The following ZMYND8 variants were observed in gnomAD, a reference collection of about 807,000 sequenced individuals.
The protein encoded by ZMYND8 is zinc finger MYND-type containing 8.
Under a neutral mutation model 140.8 loss-of-function variants are expected in ZMYND8, and 37 were observed. The observed-to-expected ratio is 0.26, with a 90% confidence interval of 0.20 to 0.35. The LOEUF is 0.35. Ranked by LOEUF, ZMYND8 falls within the 10% of genes least tolerant of loss-of-function variation. The pLI, the probability that ZMYND8 is intolerant of heterozygous loss-of-function variation, is 1.00. For synonymous variants in ZMYND8, 592 were observed against 597.1 expected (o/e 0.99, Z 0.12); for missense variants, 1,068 against 1,570.0 (o/e 0.68, Z 5.40).
intron 2 of ZMYND8, among the ~76,000 whole-genome samples, chr20:47,330,361 C>CTTTT (rs111831182): frequency 2.0e-4 from 24 of 118,866 alleles, no homozygotes; most frequent in South Asian, 1.7e-3. Flanking sequence ...GGGTTTTTTG[C>CTTTT]TTTTTTTTTT....
At position 47,294,654 on chromosome 20, in the gene ZMYND8, C is replaced by T. The variant is rs1293805723; in HGVS notation, c.567+12G>A. ...TCATTTACGCGTATACCAAGAGGAA[C>T]TTTCTTCTTACCCCTGGCTGTTTCA... On this transcript the variant is annotated intron_variant, in intron 5 of 22. Transcript: ENST00000471951. 6.2e-7 allele frequency: 1 copy of T among 1,611,724 alleles called. No individual in the cohort carries two copies. The highest frequency in any genetic ancestry group is 2.2e-5 in the East Asian group (1 of 44,854).
In ZMYND8 at chr20:47,219,055, A is replaced by ATTTTT. The variant is rs3092175; in HGVS notation, c.3484+1198_3484+1202dup. ...AACATGGCAAAACCCCGTTTCTACA[A>ATTTTT]TTTTTTTTTTTTTTTTTTTTGAGAG... On this transcript the variant is annotated intron_variant, in intron 21 of 22. Coordinates refer to ENST00000471951, the MANE Select transcript of ZMYND8 (RefSeq NM_001281775.3). Among the ~76,000 whole-genome samples, 170 of 110,914 alleles carry ATTTTT rather than the reference A, an allele frequency of 1.5e-3. 7 individuals carry two copies. The highest frequency in any genetic ancestry group is 2.9e-3 in the African/African-American group (86 of 29,896). The allele number at this position is 110,914 out of a possible 152,430, so 72.8% of individuals were successfully genotyped here.
intron 21 of ZMYND8, among the ~76,000 whole-genome samples, chr20:47,215,368 A>G (rs1360903705): frequency 6.6e-6 from 1 of 152,054 alleles, no homozygotes; most frequent in Non-Finnish European, 1.5e-5. Context: ...GCAAGACTCC[A>G]TCTCAAATAC....
At chr20:47,217,852 G>T (rs2036345846) in intron 21 of ZMYND8, among the ~76,000 whole-genome samples, 1 of 151,832 alleles carries the variant, frequency 6.6e-6, no homozygotes, top group South Asian at 2.1e-4. Flanking sequence ...CAGAAAAACT[G>T]CCCCTTCCTC....
chr20:47,229,690 T>C (rs758926824), intron 17 of ZMYND8, 36 bp downstream of exon 17: 3 of 1,598,972 alleles, frequency 1.9e-6, no homozygotes, highest in Non-Finnish European at 1.7e-6. Context: ...CACAAAACAC[T>C]CTTAGCAAAT....
At chr20:47,261,799 T>G (rs774118391) in intron 12 of ZMYND8, among the ~76,000 whole-genome samples, 1 of 152,092 alleles carries the variant, frequency 6.6e-6, no homozygotes, top group Non-Finnish European at 1.5e-5. Flanking sequence ...GGGCCAGGCA[T>G]GGTGGTTTAT....
intron 6 of ZMYND8, among the ~76,000 whole-genome samples, chr20:47,290,898 G>GT (rs2077225296): frequency 6.6e-6 from 1 of 151,892 alleles, no homozygotes; most frequent in Admixed American, 6.6e-5. Flanking sequence ...GCCAAACAGG[G>GT]TATTTCATAT....
chr20:47,287,611 AT>A (rs1260987001), intron 7 of ZMYND8, among the ~76,000 whole-genome samples: 2 of 152,180 alleles, frequency 1.3e-5, no homozygotes, highest in Non-Finnish European at 2.9e-5. Context: ...TATTCTACCC[AT>A]TGTCCCAGAC....
At chr20:47,286,177 A>AT (rs35537741) in intron 8 of ZMYND8, among the ~76,000 whole-genome samples, 35,975 of 146,352 alleles carry the variant, frequency 0.25, 4,502 homozygotes, top group South Asian at 0.34. Flanking sequence ...ATAAGGATAG[A>AT]TTTTTTTTTT....
chr20:47,227,628 AC>A (rs2037882205), intron 17 of ZMYND8, among the ~76,000 whole-genome samples: 1 of 148,990 alleles, frequency 6.7e-6, no homozygotes, highest in Non-Finnish European at 1.5e-5. Context: ...TTTCACTCTT[AC>A]ATAACATTTA....
At chr20:47,278,174 G>A (rs538178623) in intron 10 of ZMYND8, among the ~76,000 whole-genome samples, 1 of 152,042 alleles carries the variant, frequency 6.6e-6, no homozygotes, top group South Asian at 2.1e-4. Context: ...GTAGAGATGG[G>A]GTCTCGCTAC....
chr20:47,336,695 C>T (rs1466909169), intron 2 of ZMYND8, among the ~76,000 whole-genome samples: 1 of 152,216 alleles, frequency 6.6e-6, no homozygotes, highest in African/African-American at 2.4e-5. Context: ...TCTTCTGACC[C>T]GGAAATGCGT....
chr20:47,273,156 G>T (rs1336668346), intron 11 of ZMYND8, among the ~76,000 whole-genome samples: 1 of 152,170 alleles, frequency 6.6e-6, no homozygotes, highest in Admixed American at 6.5e-5. Flanking sequence ...TAGCTCAAGG[G>T]TCAAATTGGG....
intron 8 of ZMYND8, among the ~76,000 whole-genome samples, chr20:47,283,998 T>C (rs913448695): frequency 1.3e-5 from 2 of 152,098 alleles, no homozygotes; most frequent in Admixed American, 6.5e-5. Context: ...TCTGGGCTCA[T>C]TGCAACTTTC....
chr20:47,239,305 G>A (rs1385163375), intron 14 of ZMYND8, among the ~76,000 whole-genome samples, 167 bp from the exon 15 acceptor site: 2 of 152,184 alleles, frequency 1.3e-5, no homozygotes, highest in Non-Finnish European at 2.9e-5. Flanking sequence ...CTCACCTAAC[G>A]CTGAGGCCAC....
intron 21 of ZMYND8, among the ~76,000 whole-genome samples, chr20:47,214,528 C>CT (rs1380718849): frequency 6.6e-6 from 1 of 152,226 alleles, no homozygotes; most frequent in Non-Finnish European, 1.5e-5. Context: ...CAGTCTCACT[C>CT]TGTCGCCCAG....
At position 47,282,300 on chromosome 20, in the gene ZMYND8, C is replaced by CA; in HGVS notation, c.883-84dup. On this transcript the variant is annotated intron_variant, in intron 9 of 22. Transcript: ENST00000471951. ...TAAAGTTTGGTATGTGAGGATGAAG[C>CA]AGGACTGTGGGACACAGGCCATGAG... is the stretch of plus-strand genomic sequence containing the variant. 2.5e-6 allele frequency: 3 copies of CA among 1,221,000 alleles called. 1 individual carries two copies. The South Asian group carries it at 3.9e-5, about 16-fold the overall frequency. The allele number at this position is 1,221,000 out of a possible 1,614,324, so 75.6% of individuals were successfully genotyped here.
At chr20:47,299,673 T>A (rs1379877578) in intron 3 of ZMYND8, among the ~76,000 whole-genome samples, 1 of 152,072 alleles carries the variant, frequency 6.6e-6, no homozygotes, top group Admixed American at 6.6e-5. Flanking sequence ...AACCTCTGCC[T>A]CCCGGGTTCA....
At chr20:47,232,684 C>G (rs576564726) in intron 16 of ZMYND8, among the ~76,000 whole-genome samples, 1 of 152,124 alleles carries the variant, frequency 6.6e-6, no homozygotes, top group East Asian at 1.9e-4. Flanking sequence ...AAGCAAACAG[C>G]TGGGACTAAA....
Sources: gnomAD v4.1 joint callset for allele counts (sites outside exome capture counted in the v4.1 genomes callset) on GRCh38, gnomAD v4.1.1 for gene constraint, MANE v1.5 for transcripts, NCBI Gene and HGNC (gene_info 2026-07-23, HGNC 2026-07-21) for gene names.